The following ANLN variants were observed in gnomAD, a reference collection of about 807,000 sequenced individuals.
ANLN encodes the protein anillin, actin binding protein, also known as anillin.
In ANLN, 59 loss-of-function variants were observed where a neutral mutation model predicts 135.1. That is an observed-to-expected ratio of 0.44 (90% CI 0.35 to 0.54). ANLN has a LOEUF of 0.54. Among genes scored for constraint, ANLN ranks in the 20% least tolerant of loss-of-function variants. The pLI, the probability that ANLN is intolerant of heterozygous loss-of-function variation, is 0.00. For missense variants in ANLN, 1,182 were observed against 1,340.0 expected (o/e 0.88, Z 1.84); for synonymous variants, 406 against 456.4 (o/e 0.89, Z 1.41).
intron 20 of ANLN, among the ~76,000 whole-genome samples, chr7:36,429,245 G>A (rs2116710640): frequency 6.6e-6 from 1 of 151,434 alleles, no homozygotes; most frequent in South Asian, 2.1e-4. Context: ...TTTTGAGATA[G>A]AGTCTCACTC....
At chr7:36,398,030 C>G (rs1786779686) in intron 2 of ANLN, among the ~76,000 whole-genome samples, 1 of 152,180 alleles carries the variant, frequency 6.6e-6, no homozygotes, top group Non-Finnish European at 1.5e-5. Context: ...CCTGATACTA[C>G]TTTGGTCACT....
chr7:36,391,599 T>C (rs1212901084), intron 1 of ANLN, among the ~76,000 whole-genome samples: 1 of 152,212 alleles, frequency 6.6e-6, no homozygotes, highest in East Asian at 1.9e-4. Flanking sequence ...TCTTGGGTGC[T>C]TAATTATAGC....
At chr7:36,429,513 G>A (rs1788227972) in intron 20 of ANLN, among the ~76,000 whole-genome samples, 2 of 152,156 alleles carry the variant, frequency 1.3e-5, no homozygotes, top group South Asian at 2.1e-4. Flanking sequence ...GAGCCACTGC[G>A]CCCATCTAAA....
chr7:36,420,707 C>T lies in ANLN; in HGVS notation c.2126C>T (p.Ala709Val), dbSNP rs574029952. The change falls in exon 12 of 24, where the codon GCC becomes GTC. Residue 709 changes from alanine to valine, a missense_variant. By Grantham distance (64) the Ala-to-Val change is moderately conservative. Coordinates refer to ENST00000265748, the MANE Select transcript of ANLN (RefSeq NM_018685.5). The stretch of plus-strand genomic sequence containing the variant: ...TCAAAACTGGATGAAAAAAATAATG[C>T]CTTTCCTTGTCAAGTTAATATCAAA... ...VTSKLDEKNN[A>V]FPCQVNIKQK... The T allele has an allele frequency of 1.9e-6, 3 of 1,613,964 alleles. No individual in the cohort carries two copies. Among genetic ancestry groups the T allele is most frequent in the Non-Finnish European group, 8.5e-7 (1 of 1,179,916 alleles).
At chr7:36,447,534 C>T (rs551883908) in intron 22 of ANLN, among the ~76,000 whole-genome samples, 1 of 150,832 alleles carries the variant, frequency 6.6e-6, no homozygotes, top group South Asian at 2.1e-4. Context: ...ACGCCATTCT[C>T]CTGCCTTAGC....
chr7:36,404,309 C>T (rs940707475), intron 3 of ANLN, among the ~76,000 whole-genome samples: 3 of 152,174 alleles, frequency 2.0e-5, no homozygotes, highest in Admixed American at 6.5e-5. Context: ...CTTGAGCATC[C>T]AGTAGTCTCC....
At chr7:36,395,045 T>A (rs1786638769) in intron 1 of ANLN, among the ~76,000 whole-genome samples, 1 of 152,198 alleles carries the variant, frequency 6.6e-6, no homozygotes, top group African/African-American at 2.4e-5. Flanking sequence ...TTAGGAAGTG[T>A]TTTATGTTTT....
chr7:36,399,375 G>A lies in ANLN; in HGVS notation c.469G>A (p.Asp157Asn). 1 of 1,610,072 alleles carries A rather than the reference G, an allele frequency of 6.2e-7. No individual in the cohort carries two copies. The highest frequency in any genetic ancestry group is 8.5e-7 in the Non-Finnish European group (1 of 1,177,910). Residue 157 changes from aspartate to asparagine, a missense_variant, in exon 3 of 24, where the codon GAT (aspartate) becomes AAT (asparagine). Coordinates refer to ENST00000265748, the MANE Select transcript of ANLN (RefSeq NM_018685.5). ...QKLAEQRRRWDNDDMTDDIPE... is the reference protein window; with the variant it reads ...QKLAEQRRRWNNDDMTDDIPE... ...ACTTGCAGAGCAACGGCGCCGTTGGGATAATGATGATATGACAGGTATGAA... is the reference window on the plus strand; with the variant it reads ...ACTTGCAGAGCAACGGCGCCGTTGGAATAATGATGATATGACAGGTATGAA...
intron 12 of ANLN, among the ~76,000 whole-genome samples, chr7:36,421,333 G>T (rs969239918): frequency 3.3e-5 from 5 of 151,890 alleles, no homozygotes; most frequent in African/African-American, 9.7e-5. Flanking sequence ...CTCCCAAAGT[G>T]CTAGGATTAC....
At chr7:36,435,394 G>GTT in intron 20 of ANLN, among the ~76,000 whole-genome samples, 1 of 150,888 alleles carries the variant, frequency 6.6e-6, no homozygotes, top group African/African-American at 2.4e-5. Context: ...GTGGGGGGGG[G>GTT]GTCTCAGTAT....
chr7:36,447,502 G>T (rs1789058574), intron 22 of ANLN, among the ~76,000 whole-genome samples: 1 of 143,728 alleles, frequency 7.0e-6, no homozygotes, highest in African/African-American at 2.6e-5. Context: ...TCGGCTCACT[G>T]CAAGCACCGC....
At chr7:36,434,593 G>A (rs1426503027) in intron 20 of ANLN, among the ~76,000 whole-genome samples, 1 of 152,230 alleles carries the variant, frequency 6.6e-6, no homozygotes, top group East Asian at 1.9e-4. Flanking sequence ...GCCAGGCACA[G>A]TGGCTCATGC....
At chr7:36,438,163 T>G (rs1156639863) in intron 20 of ANLN, among the ~76,000 whole-genome samples, 2 of 152,208 alleles carry the variant, frequency 1.3e-5, no homozygotes, top group Non-Finnish European at 2.9e-5. Context: ...ATAAATGGTA[T>G]GAGGTGAAGG....
chr7:36,425,704 T>C lies in ANLN; in HGVS notation c.2712T>C (p.Ala904=), dbSNP rs1788053542. The C allele has an allele frequency of 1.2e-6, 2 of 1,608,482 alleles. No homozygotes were observed. The highest frequency in any genetic ancestry group is 1.7e-6 in the Non-Finnish European group (2 of 1,175,476). The change falls in exon 18 of 24, where the codon GCT becomes GCC. Residue 904 remains alanine (A), a splice_region_variant and synonymous_variant. Transcript: ENST00000265748. The part of the protein sequence containing the change: ...DKKKKTSKSK[A]ITPKRLLTSI... ...TAGTAAGCTATCTTTTCTTTTAGGCTATTACTCCAAAGCGACTCCTCACAT... is the reference window on the plus strand; with the variant it reads ...TAGTAAGCTATCTTTTCTTTTAGGCCATTACTCCAAAGCGACTCCTCACAT...
chr7:36,405,251 T>C (rs1365315026), intron 3 of ANLN, among the ~76,000 whole-genome samples: 1 of 152,228 alleles, frequency 6.6e-6, no homozygotes, highest in Admixed American at 6.5e-5. Context: ...GGCTACACCA[T>C]TTTTGTGGAT....
chr7:36,420,137 T>C (rs764633461), intron 10 of ANLN, 32 bp from the exon 11 acceptor site: 1 of 1,591,676 alleles, frequency 6.3e-7, no homozygotes, highest in South Asian at 1.1e-5. Context: ...TCATTTAGGA[T>C]CAATGTTAAT....
chr7:36,434,302 C>G (rs905433833), intron 20 of ANLN, among the ~76,000 whole-genome samples: 4 of 152,174 alleles, frequency 2.6e-5, no homozygotes, highest in Admixed American at 1.3e-4. Flanking sequence ...CTAAGTACTG[C>G]ACGTCTACAA....
chr7:36,416,769 A>C (rs913280599), intron 8 of ANLN, among the ~76,000 whole-genome samples: 1 of 148,444 alleles, frequency 6.7e-6, no homozygotes, highest in Non-Finnish European at 1.5e-5. Context: ...TCGGTGGGGG[A>C]AAAGTTAATG....
chr7:36,432,491 C>T (rs189213468), intron 20 of ANLN, among the ~76,000 whole-genome samples: 53 of 152,284 alleles, frequency 3.5e-4, no homozygotes, highest in Middle Eastern at 3.4e-3. Flanking sequence ...CAATCCTGCA[C>T]TCACATAAAA....
Sources: allele counts gnomAD v4.1 joint callset (sites outside exome capture counted in the v4.1 genomes callset), GRCh38; gene constraint gnomAD v4.1.1; transcripts MANE v1.5; gene names NCBI Gene and HGNC (gene_info 2026-07-23, HGNC 2026-07-21).